UNC13D: variants seen among roughly 807,000 people sequenced by gnomAD.
The protein encoded by UNC13D is unc-13 homolog D.
UNC13D carries 115 observed loss-of-function variants against 151.7 expected under a neutral mutation model. That is an observed-to-expected ratio of 0.76 (90% confidence interval 0.65 to 0.88). UNC13D has a LOEUF of 0.88. UNC13D is among the 40% of genes least tolerant of loss of function. UNC13D has a pLI of 0.00. For missense variants in UNC13D, 1,369 were observed against 1,438.7 expected, an observed-to-expected ratio of 0.95 and a Z score of 0.78; for synonymous variants, 588 against 612.2, an observed-to-expected ratio of 0.96 and a Z score of 0.58.
At chr17:75,830,238 C>T in intron 29 of UNC13D, 87 bp from the exon 30 acceptor site, 4 of 1,555,406 alleles carry the variant, frequency 2.6e-6, no homozygotes, top group Non-Finnish European at 3.5e-6. Context: ...CGGCACTGAC[C>T]CCTCCTGGTA....
chr17:75,831,496 C>T, intron 25 of UNC13D, 148 bp from the exon 26 acceptor site: 1 of 700,596 alleles, frequency 1.4e-6, no homozygotes, highest in Non-Finnish European at 2.4e-6. Context: ...GCCTCCCACC[C>T]CAGGTGAGGC....
chr17:75,837,754 C>CA (rs56040848), intron 12 of UNC13D, among the ~76,000 whole-genome samples: 92 of 125,146 alleles, frequency 7.4e-4, no homozygotes, highest in Admixed American at 7.2e-4. Context: ...AACTCCAGCT[C>CA]AAAAAAAAAA....
Position 75,833,062 on chromosome 17 carries a change from G to C in UNC13D, c.2368-17C>G. 6.3e-7 allele frequency: 1 copy of C among 1,597,964 alleles called. No homozygotes were observed. The highest frequency in any genetic ancestry group is 8.5e-7 in the Non-Finnish European group (1 of 1,173,344). ...CAGAATGGCCTGGGGAGGGAGATGGGGAGCAGGTGTGGCTCCGGCCCATGT... is the reference window on the plus strand; with the variant it reads ...CAGAATGGCCTGGGGAGGGAGATGGCGAGCAGGTGTGGCTCCGGCCCATGT... On this transcript the variant is annotated splice_polypyrimidine_tract_variant and intron_variant, in intron 24 of 31. Transcript: ENST00000207549. The surrounding 1 kb of genome is among the most constrained non-coding windows in gnomAD (Gnocchi z 4.0).
intron 27 of UNC13D, among the ~76,000 whole-genome samples, chr17:75,830,880 C>G (rs1208288723): frequency 1.3e-5 from 2 of 152,222 alleles, no homozygotes; most frequent in South Asian, 2.1e-4. Context: ...CCCCACCCCC[C>G]ATGCGGGCAC....
intron 27 of UNC13D, among the ~76,000 whole-genome samples, chr17:75,830,884 C>T (rs79324198): frequency 0.014 from 2,202 of 152,176 alleles, 59 homozygotes; most frequent in African/African-American, 0.05. Context: ...ACCCCCCATG[C>T]GGGCACACAG....
chr17:75,830,718 G>C (rs1157116081), intron 27 of UNC13D, 57 bp from the exon 28 acceptor site: 1 of 1,542,970 alleles, frequency 6.5e-7, no homozygotes, highest in South Asian at 1.2e-5. Flanking sequence ...CACAGCCCAG[G>C]CCTGCCCTCC....
Position 75,831,172 on chromosome 17 carries a change from G to T in UNC13D, c.2554-3C>A. ...GCGTGGAAGCAGATCTCCAGGTTCT[G>T]GGGGAGATATCAGAGGTGACCCCAG... On this transcript the variant is annotated splice_polypyrimidine_tract_variant and splice_region_variant and intron_variant, in intron 26 of 31. Transcript: ENST00000207549. 6.2e-7 allele frequency: 1 copy of T among 1,614,102 alleles called. No individual in the cohort carries two copies. The highest frequency in any genetic ancestry group is 8.5e-7 in the Non-Finnish European group (1 of 1,180,038).
At position 75,830,008 on chromosome 17, in the gene UNC13D, G is replaced by A. The variant is rs1339152500; in HGVS notation, c.2954+20C>T. On this transcript the variant is annotated intron_variant, in intron 30 of 31. Transcript: ENST00000207549. ...GGAGAGATGAGGGGAGGGACTGGGA[G>A]AAGAACGGGACCCACTCACAATTCA... 1.3e-5 allele frequency: 21 copies of A among 1,570,744 alleles called. No homozygotes were observed. The highest frequency in any genetic ancestry group is 1.8e-5 in the Non-Finnish European group (21 of 1,157,592).
intron 18 of UNC13D, 23 bp from the exon 19 acceptor site, chr17:75,835,800 G>A (rs773062116): frequency 6.2e-7 from 1 of 1,614,026 alleles, no homozygotes; most frequent in Non-Finnish European, 8.5e-7. Flanking sequence ...GGTGTGGAGG[G>A]CGGGGCCCAC....
Position 75,836,704 on chromosome 17 carries a change from G to C in UNC13D, c.1174-8C>G. 6.2e-7 allele frequency: 1 copy of C among 1,613,530 alleles called. No homozygotes were observed. Among genetic ancestry groups the C allele is most frequent in the Non-Finnish European group, 8.5e-7 (1 of 1,180,038 alleles). ...GGCGGCCAGCTCCTCCTGCTGAAGA[G>C]CCAGGAGATGCTTTAGGGGCCTAGA... is the stretch of plus-strand genomic sequence containing the variant. On this transcript the variant is annotated splice_region_variant and splice_polypyrimidine_tract_variant and intron_variant, in intron 13 of 31. Transcript: ENST00000207549.
chr17:75,834,166 G>A (rs202137358), intron 23 of UNC13D, 23 bp from the exon 24 acceptor site: 225 of 1,613,364 alleles, frequency 1.4e-4, no homozygotes, highest in Non-Finnish European at 6.8e-6. Flanking sequence ...AACGGAAGAA[G>A]GAGGGAGGTC....
In UNC13D at chr17:75,840,349, A is replaced by G. The variant is rs755459958; in HGVS notation, c.754-20T>C. The G allele has an allele frequency of 6.2e-7, 1 of 1,612,082 alleles. No individual in the cohort carries two copies. The highest frequency in any genetic ancestry group is 8.5e-7 in the Non-Finnish European group (1 of 1,179,096). ...CAGGTCCTGACAGGCGGGGATGCCC[A>G]GCCCGTGAGCGTCAGAACCTCATAG... On this transcript the variant is annotated intron_variant, in intron 9 of 31. Transcript: ENST00000207549. This position sits in a 1 kb window ranked among gnomAD's most constrained non-coding sequence, Gnocchi z 4.6.
chr17:75,839,831 G>A lies in UNC13D; in HGVS notation c.1055+8C>T. 1.2e-6 allele frequency: 2 copies of A among 1,613,268 alleles called. No individual in the cohort carries two copies. Among genetic ancestry groups the A allele is most frequent in the Non-Finnish European group, 1.7e-6 (2 of 1,179,696 alleles). Reference sequence around the variant, plus strand: ...GCTCAGGGGTTCTGCCCAGGGCTGTGTACTCACGCCATGGACTGGTGGAAG... The same window carrying A: ...GCTCAGGGGTTCTGCCCAGGGCTGTATACTCACGCCATGGACTGGTGGAAG... On this transcript the variant is annotated splice_region_variant and intron_variant, in intron 12 of 31. Transcript: ENST00000207549.
chr17:75,827,497 G>T lies in UNC13D; in HGVS notation c.*468C>A. On this transcript the variant is annotated 3_prime_UTR_variant, in exon 32 of 32. Transcript: ENST00000207549. Reference sequence around the variant, plus strand: ...AGTAATGGCCACCACCCTCCCCCCAGGGCAGCTGGAGCCTCATCTTTGGCA... The same window carrying T: ...AGTAATGGCCACCACCCTCCCCCCATGGCAGCTGGAGCCTCATCTTTGGCA... The T allele has an allele frequency of 6.6e-7, 1 of 1,517,240 alleles. No individual in the cohort carries two copies. Among genetic ancestry groups the T allele is most frequent in the Non-Finnish European group, 8.8e-7 (1 of 1,135,416 alleles). The allele number at this position is 1,517,240 out of a possible 1,614,324, so 94.0% of individuals were successfully genotyped here.
rs1038944532 is a variant in UNC13D, at chr17:75,831,174, G to A, written c.2554-5C>T. ...GTGGAAGCAGATCTCCAGGTTCTGG[G>A]GGAGATATCAGAGGTGACCCCAGGC... On this transcript the variant is annotated splice_polypyrimidine_tract_variant and splice_region_variant and intron_variant, in intron 26 of 31. Transcript: ENST00000207549. 1.2e-6 allele frequency: 2 copies of A among 1,614,012 alleles called. No homozygotes were observed. Among genetic ancestry groups the A allele is most frequent in the Admixed American group, 3.3e-5 (2 of 60,004 alleles).
In UNC13D at chr17:75,839,909, G is replaced by A. The variant is rs201031169; in HGVS notation, c.985C>T (p.Pro329Ser). 1.9e-6 allele frequency: 3 copies of A among 1,613,854 alleles called. No homozygotes were observed. Among genetic ancestry groups the A allele is most frequent in the African/African-American group, 2.7e-5 (2 of 75,026 alleles). The change falls in exon 12 of 32, where the codon CCC becomes TCC. Residue 329 changes from proline (P) to serine (S), a missense_variant. Around this residue, in one of 3 missense-constraint regions of UNC13D, gnomAD observed 550 missense variants for 609.0 expected, o/e 0.90. Coordinates refer to ENST00000207549, the MANE Select transcript of UNC13D (RefSeq NM_199242.3). Reference protein sequence around the residue: ...GSTSWDGSLSPQAATVLFLHA... With the variant: ...GSTSWDGSLSSQAATVLFLHA... ...AGAAAGAGGACGGTGGCAGCCTGGG[G>A]ACTCAGCGACCCGTCCCAGGAGGTG...
Position 75,828,877 on chromosome 17 carries a change from G to T in UNC13D, c.3061C>A (p.Pro1021Thr). 1 of 1,602,668 alleles carries T rather than the reference G, an allele frequency of 6.2e-7. No homozygotes were observed. ...ADDLEGEAFLPLREVPGLSGS... is the reference protein window; with the variant it reads ...ADDLEGEAFLTLREVPGLSGS... ...CTCAGCCCGGGCACCTCACGCAGCG[G>T]CAGGAAGGCCTCGCCTTCCAGGTCG... The change falls in exon 31 of 32, where the codon CCG becomes ACG. Residue 1021 changes from proline (P) to threonine (T), a missense_variant. By Grantham distance (38) the Pro-to-Thr change is conservative (BLOSUM62 -1). Coordinates refer to ENST00000207549, the MANE Select transcript of UNC13D (RefSeq NM_199242.3).
At position 75,840,361 on chromosome 17, in the gene UNC13D, T is replaced by A; in HGVS notation, c.754-32A>T. 1.2e-6 allele frequency: 2 copies of A among 1,611,300 alleles called. No individual in the cohort carries two copies. Among genetic ancestry groups the A allele is most frequent in the Non-Finnish European group, 1.7e-6 (2 of 1,178,620 alleles). On this transcript the variant is annotated intron_variant, in intron 9 of 31. Transcript: ENST00000207549. The surrounding 1 kb of genome is among the most constrained non-coding windows in gnomAD (Gnocchi z 4.6). ...GGCGGGGATGCCCAGCCCGTGAGCG[T>A]CAGAACCTCATAGAGTCGGGGCAGC...
chr17:75,827,388 TCC>T lies in UNC13D; in HGVS notation c.*575_*576del. ...AGCCCTGCCGCCTGCCAGCTCTTGC[TCC>T]CTCAGAGCCAGAAGGTTCTTGGCTC... On this transcript the variant is annotated 3_prime_UTR_variant, in exon 32 of 32. Coordinates refer to ENST00000207549, the MANE Select transcript of UNC13D (RefSeq NM_199242.3). The T allele has an allele frequency of 7.4e-7, 1 of 1,356,284 alleles. No homozygotes were observed. The highest frequency in any genetic ancestry group is 3.0e-5 in the Admixed American group (1 of 33,072). 84.0% of individuals were successfully genotyped at this position (1,356,284 alleles called of 1,614,324 possible).
Sources: gnomAD v4.1 joint callset for allele counts (sites outside exome capture counted in the v4.1 genomes callset) on GRCh38, gnomAD v4.1.1 for gene constraint, gnomAD v4.1.1 regional missense constraint, Gnocchi (gnomAD v3.1) non-coding constraint, MANE v1.5 for transcripts, NCBI Gene and HGNC (gene_info 2026-07-23, HGNC 2026-07-21) for gene names.